Variants in GNAS-AS1 observed in about 807,000 individuals in gnomAD.
GNAS-AS1 encodes GNAS antisense RNA 1 (non-protein coding).
At chr20:58,824,159 G>A (rs746151480) in intron 4 of GNAS-AS1, 2 of 398,338 alleles carry the variant, frequency 5.0e-6, no homozygotes, top group Non-Finnish European at 8.8e-6. Flanking sequence ...GTCCAAAACT[G>A]CCAGGGGTGA....
At chr20:58,832,756 T>C (rs952200907) in intron 4 of GNAS-AS1, among the ~76,000 whole-genome samples, 1 of 152,248 alleles carries the variant, frequency 6.6e-6, no homozygotes, top group Admixed American at 6.5e-5. Context: ...CTTTTGTTTT[T>C]GTTTTTCTAA....
At chr20:58,848,829 C>T (rs2086043327) in intron 2 of GNAS-AS1, 1 of 398,490 alleles carries the variant, frequency 2.5e-6, no homozygotes, top group African/African-American at 2.1e-5. Context: ...GGCCACACTT[C>T]TGGGGTCCCT....
chr20:58,849,816 T>C (rs1324269205), intron 1 of GNAS-AS1, among the ~76,000 whole-genome samples: 1 of 152,248 alleles, frequency 6.6e-6, no homozygotes, highest in Non-Finnish European at 1.5e-5. Context: ...CCTTTGTGCA[T>C]AACCCCTTTC....
intron 2 of GNAS-AS1, among the ~76,000 whole-genome samples, chr20:58,844,667 T>TCCCC (rs2085874515): frequency 7.5e-6 from 1 of 133,848 alleles, no homozygotes; most frequent in Non-Finnish European, 1.6e-5. Flanking sequence ...GGTTGTCCAA[T>TCCCC]TTGACTCTAC....
At chr20:58,834,379 C>T (rs2085588078) in intron 4 of GNAS-AS1, 1 of 152,344 alleles carries the variant, frequency 6.6e-6, no homozygotes, top group South Asian at 2.1e-4. Flanking sequence ...ACCCCGTAGA[C>T]TGGGGGTGTC....
intron 4 of GNAS-AS1, chr20:58,836,539 GA>G (rs1421364822): frequency 6.6e-6 from 1 of 152,214 alleles, no homozygotes; most frequent in Non-Finnish European, 1.5e-5. Context: ...CCCTCCAGCA[GA>G]GACCCGCAAG....
At chr20:58,824,973 G>C (rs965909927) in intron 4 of GNAS-AS1, among the ~76,000 whole-genome samples, 4 of 152,222 alleles carry the variant, frequency 2.6e-5, no homozygotes, top group African/African-American at 9.7e-5. Flanking sequence ...GAGCATGCCA[G>C]CAGGAAGTGA....
At chr20:58,830,466 A>AG (rs1216994381) in intron 4 of GNAS-AS1, among the ~76,000 whole-genome samples, 1 of 64,746 alleles carries the variant, frequency 1.5e-5, no homozygotes, top group African/African-American at 6.2e-5. Context: ...CACCACCACC[A>AG]CACCACCATC....
intron 4 of GNAS-AS1, among the ~76,000 whole-genome samples, chr20:58,823,502 G>A (rs912376205): frequency 9.8e-5 from 15 of 152,338 alleles, no homozygotes; most frequent in Admixed American, 4.6e-4. Flanking sequence ...GGAGCATGCG[G>A]TGATGTCCGC....
At chr20:58,836,486 G>A (rs1393066829) in intron 4 of GNAS-AS1, 3 of 152,150 alleles carry the variant, frequency 2.0e-5, no homozygotes, top group Admixed American at 6.5e-5. Flanking sequence ...ATACTGTAGT[G>A]AGCTGGGAAC....
In GNAS-AS1 at chr20:58,840,071, G is replaced by A. The variant is rs2085659306; in HGVS notation, n.819+1866C>T. 1 of 1,607,368 alleles carries A rather than the reference G, an allele frequency of 6.2e-7. No homozygotes were observed. The highest frequency in any genetic ancestry group is 8.5e-7 in the Non-Finnish European group (1 of 1,179,624). ...TTCGGAGCCACTCTCTGCAGAGCCA[G>A]AGGGCAGGCCGGCTTCTCGGTGTGT... On this transcript the variant is annotated intron_variant and non_coding_transcript_variant, in intron 4 of 4. Coordinates refer to ENST00000424094, the Ensembl canonical transcript of GNAS-AS1. The surrounding 1 kb of genome is among the most constrained non-coding windows in gnomAD (Gnocchi z 6.0).
chr20:58,842,138 G>C (rs529624732), exon 4 of GNAS-AS1: 1 of 399,132 alleles, frequency 2.5e-6, no homozygotes, highest in African/African-American at 2.1e-5. Context: ...AGGGGAATCT[G>C]CTCTGATGAC....
chr20:58,835,982 C>A (rs1332555782), intron 4 of GNAS-AS1, among the ~76,000 whole-genome samples: 2 of 152,114 alleles, frequency 1.3e-5, no homozygotes. Flanking sequence ...CATCTGTTTG[C>A]CCTGTCTTAA....
At chr20:58,823,476 A>T (rs1277996442) in intron 4 of GNAS-AS1, among the ~76,000 whole-genome samples, 1 of 152,150 alleles carries the variant, frequency 6.6e-6, no homozygotes, top group Non-Finnish European at 1.5e-5. Flanking sequence ...TATGCCTGTG[A>T]CGGGCGCACG....
chr20:58,833,923 GC>G (rs2085584524), intron 4 of GNAS-AS1: 1 of 152,214 alleles, frequency 6.6e-6, no homozygotes, highest in Non-Finnish European at 1.5e-5. Flanking sequence ...GAAGATAATT[GC>G]CTCAATTATC....
chr20:58,836,944 A>G (rs116417533), intron 4 of GNAS-AS1, among the ~76,000 whole-genome samples: 1,898 of 152,248 alleles, frequency 0.012, 43 homozygotes, highest in African/African-American at 0.044. Context: ...TAGTCCAAAT[A>G]TATGTATTAT....
intron 4 of GNAS-AS1, among the ~76,000 whole-genome samples, chr20:58,833,490 G>A (rs913956954): frequency 6.6e-6 from 1 of 152,130 alleles, no homozygotes; most frequent in African/African-American, 2.4e-5. Context: ...TCACTCATGG[G>A]CCCTATTAGG....
chr20:58,825,726 T>TA (rs2085515310), intron 4 of GNAS-AS1, among the ~76,000 whole-genome samples: 1 of 152,210 alleles, frequency 6.6e-6, no homozygotes, highest in South Asian at 2.1e-4. Flanking sequence ...CTTTTGCGCT[T>TA]AGATGGTTTT....
chr20:58,827,453 G>A (rs2085528552), intron 4 of GNAS-AS1, among the ~76,000 whole-genome samples: 1 of 152,232 alleles, frequency 6.6e-6, no homozygotes, highest in Non-Finnish European at 1.5e-5. Context: ...GTTGGCCTAT[G>A]AGCAGCAGCT....
Sources: gnomAD v4.1 joint callset for allele counts (sites outside exome capture counted in the v4.1 genomes callset) on GRCh38, gnomAD v4.1.1 for gene constraint, Gnocchi (gnomAD v3.1) non-coding constraint, MANE v1.5 for transcripts, NCBI Gene and HGNC (gene_info 2026-07-23, HGNC 2026-07-21) for gene names.